The following ARHGAP15 variants were observed in gnomAD, a reference collection of about 807,000 sequenced individuals.
ARHGAP15 encodes the protein rho GTPase-activating protein 15.
Under a neutral mutation model 63.7 loss-of-function variants are expected in ARHGAP15, and 51 were observed. The observed-to-expected ratio is 0.80, with a 90% CI of 0.64 to 1.01. The LOEUF (loss-of-function observed/expected upper bound fraction) is 1.01, where lower values mean the gene tolerates loss of function less well. Ranked by LOEUF, ARHGAP15 falls within the 50% of genes least tolerant of loss-of-function variation. The pLI, the probability that ARHGAP15 is intolerant of heterozygous loss-of-function variation, is 0.00. For synonymous variants in ARHGAP15, 191 were observed against 193.8 expected, an observed-to-expected ratio of 0.99 and a Z score of 0.12; for missense variants, 560 against 564.6, an observed-to-expected ratio of 0.99 and a Z score of 0.08.
At chr2:143,172,385 AT>A (rs1309725615) in intron 2 of ARHGAP15, among the ~76,000 whole-genome samples, 1 of 152,106 alleles carries the variant, frequency 6.6e-6, no homozygotes, top group Non-Finnish European at 1.5e-5. Flanking sequence ...TTGATGCACA[AT>A]CAGAGGCCAC....
At chr2:143,667,600 AAAAG>A (rs1448581546) in intron 12 of ARHGAP15, among the ~76,000 whole-genome samples, 14 of 151,026 alleles carry the variant, frequency 9.3e-5, no homozygotes, top group African/African-American at 1.5e-4. Flanking sequence ...AAAAAAAAAA[AAAAG>A]AAAAGAAGTG....
intron 2 of ARHGAP15, among the ~76,000 whole-genome samples, chr2:143,192,870 C>G (rs1158419135): frequency 6.6e-6 from 1 of 152,196 alleles, no homozygotes; most frequent in East Asian, 1.9e-4. Context: ...AGTGCTGTAA[C>G]TTAAGCTGCT....
chr2:143,199,720 C>A (rs1012549238), intron 2 of ARHGAP15, among the ~76,000 whole-genome samples: 5 of 152,070 alleles, frequency 3.3e-5, no homozygotes, highest in African/African-American at 4.8e-5. Flanking sequence ...AGAAATGTAG[C>A]ATCTAGAAAA....
intron 12 of ARHGAP15, chr2:143,648,819 C>T (rs1348451130): frequency 6.6e-6 from 1 of 151,896 alleles, no homozygotes; most frequent in Non-Finnish European, 1.5e-5. Context: ...ATCCTTTGCT[C>T]ATAAAGATGC....
chr2:143,365,680 T>C (rs1686264717), intron 6 of ARHGAP15, among the ~76,000 whole-genome samples: 1 of 152,312 alleles, frequency 6.6e-6, no homozygotes, highest in Non-Finnish European at 1.5e-5. Context: ...TCTTGCCTTC[T>C]CACTTAGGTC....
chr2:143,493,094 A>G (rs570040164), intron 9 of ARHGAP15, among the ~76,000 whole-genome samples: 15 of 152,194 alleles, frequency 9.9e-5, no homozygotes, highest in African/African-American at 2.6e-4. Context: ...TAATCAATCT[A>G]TCAACATTCA....
In ARHGAP15 at chr2:143,618,630, T is replaced by G. The variant is rs1007850503; in HGVS notation, c.1004-5503T>G. 2.0e-5 allele frequency among the ~76,000 whole-genome samples: 3 copies of G among 152,238 alleles called. No homozygotes were observed. The East Asian group carries it at 5.8e-4, about 29-fold the overall frequency. On this transcript the variant is annotated intron_variant, in intron 11 of 13. Transcript: ENST00000295095. Reference sequence around the variant, plus strand: ...AAACTATTACAAGGTAAAGAAGCACTTGTTTTTAACACATGAAGAAGATTT... The same window carrying G: ...AAACTATTACAAGGTAAAGAAGCACGTGTTTTTAACACATGAAGAAGATTT...
At chr2:143,439,756 C>G (rs1689795758) in intron 8 of ARHGAP15, among the ~76,000 whole-genome samples, 1 of 151,940 alleles carries the variant, frequency 6.6e-6, no homozygotes, top group Non-Finnish European at 1.5e-5. Context: ...TATTTTAGAG[C>G]CTGTACTTTT....
chr2:143,506,210 A>G (rs547288794), intron 9 of ARHGAP15, among the ~76,000 whole-genome samples: 2 of 152,298 alleles, frequency 1.3e-5, no homozygotes, highest in South Asian at 4.2e-4. Context: ...TTCCCCACCC[A>G]AAAAGAATCT....
chr2:143,423,825 T>C (rs1689031645), intron 6 of ARHGAP15, among the ~76,000 whole-genome samples: 1 of 152,160 alleles, frequency 6.6e-6, no homozygotes, highest in Non-Finnish European at 1.5e-5. Flanking sequence ...GGTCCTATGA[T>C]GTAGGTATTA....
intron 6 of ARHGAP15, among the ~76,000 whole-genome samples, chr2:143,260,105 G>T (rs1680645345): frequency 6.6e-6 from 1 of 152,006 alleles, no homozygotes; most frequent in Non-Finnish European, 1.5e-5. Context: ...TTATTCAATT[G>T]TTATATTAAA....
chr2:143,136,966 T>C (rs1206694893), intron 1 of ARHGAP15, among the ~76,000 whole-genome samples: 2 of 152,106 alleles, frequency 1.3e-5, no homozygotes, highest in Non-Finnish European at 2.9e-5. Flanking sequence ...AGAATTCTCC[T>C]GACTCTCCTC....
At chr2:143,335,347 T>A (rs1574293979) in intron 6 of ARHGAP15, among the ~76,000 whole-genome samples, 4 of 152,310 alleles carry the variant, frequency 2.6e-5, no homozygotes, top group African/African-American at 9.6e-5. Context: ...TCCTCTTAAA[T>A]TATTATAGTG....
chr2:143,446,267 GATTATAT>G lies in ARHGAP15; in HGVS notation c.703+9231_703+9237del, dbSNP rs534399565. Among the ~76,000 whole-genome samples, 87 of 151,614 alleles carry G rather than the reference GATTATAT, an allele frequency of 5.7e-4. 1 individual carries two copies. Among genetic ancestry groups the G allele is most frequent in the African/African-American group, 2.1e-3 (86 of 41,420 alleles). ...CTAAAATATATCAAATAACTTTGTA[GATTATAT>G]ATTATGTTATAAAATGATTTCCATC... On this transcript the variant is annotated intron_variant, in intron 8 of 13. Coordinates refer to ENST00000295095, the MANE Select transcript of ARHGAP15 (RefSeq NM_018460.4).
chr2:143,223,797 A>G (rs1001922532), intron 4 of ARHGAP15, among the ~76,000 whole-genome samples: 1 of 152,190 alleles, frequency 6.6e-6, no homozygotes, highest in African/African-American at 2.4e-5. Flanking sequence ...CTGAGAGACC[A>G]TGGAGACACT....
intron 9 of ARHGAP15, among the ~76,000 whole-genome samples, chr2:143,487,800 T>A (rs573761104): frequency 6.6e-6 from 1 of 152,290 alleles, no homozygotes; most frequent in East Asian, 1.9e-4. Flanking sequence ...TGTCCTCCTG[T>A]GTCTGGGTGG....
At chr2:143,480,757 T>C (rs1692040847) in intron 8 of ARHGAP15, 1 of 152,104 alleles carries the variant, frequency 6.6e-6, no homozygotes, top group African/African-American at 2.4e-5. Context: ...ACATAGGGAG[T>C]TATGTGCAAA....
chr2:143,463,222 G>A (rs1210332867), intron 8 of ARHGAP15, among the ~76,000 whole-genome samples: 1 of 151,042 alleles, frequency 6.6e-6, no homozygotes, highest in Non-Finnish European at 1.5e-5. Context: ...TAGCTCACCT[G>A]GCCTAGTCTG....
intron 11 of ARHGAP15, among the ~76,000 whole-genome samples, chr2:143,622,000 TTG>T (rs376130498): frequency 0.017 from 2,600 of 150,554 alleles, 81 homozygotes; most frequent in African/African-American, 0.06. Context: ...GTAGAGATAG[TTG>T]TGTGTGTGTG....
Sources: allele counts gnomAD v4.1 joint callset (sites outside exome capture counted in the v4.1 genomes callset), GRCh38; gene constraint gnomAD v4.1.1; transcripts MANE v1.5; gene names NCBI Gene and HGNC (gene_info 2026-07-23, HGNC 2026-07-21).